The following DNM3 variants were observed in gnomAD, a reference collection of about 807,000 sequenced individuals.
DNM3 encodes the protein dynamin 3.
In DNM3, 47 loss-of-function variants were observed where a neutral mutation model predicts 101.6. The observed-to-expected ratio is 0.46, with a 90% CI of 0.37 to 0.59. DNM3 has a LOEUF of 0.59. Among genes scored for constraint, DNM3 ranks in the 20% least tolerant of loss-of-function variants. The pLI, the probability that DNM3 is intolerant of heterozygous loss-of-function variation, is 0.00. For synonymous variants in DNM3, 385 were observed against 387.9 expected, an observed-to-expected ratio of 0.99 and a Z score of 0.09; for missense variants, 849 against 1,085.7, an observed-to-expected ratio of 0.78 and a Z score of 3.06.
At chr1:172,234,752 T>A (rs778906860) in intron 14 of DNM3, among the ~76,000 whole-genome samples, 4 of 151,930 alleles carry the variant, frequency 2.6e-5, no homozygotes, top group Non-Finnish European at 5.9e-5. Flanking sequence ...GATCTGATCT[T>A]CGACACCTAT....
chr1:172,193,148 T>C (rs1184829452), intron 14 of DNM3, among the ~76,000 whole-genome samples: 2 of 152,070 alleles, frequency 1.3e-5, no homozygotes, highest in African/African-American at 4.8e-5. Context: ...CATTTTTTCG[T>C]GTGTTTTTTG....
chr1:172,120,843 G>A (rs2056267647), intron 13 of DNM3, among the ~76,000 whole-genome samples: 1 of 152,164 alleles, frequency 6.6e-6, no homozygotes, highest in African/African-American at 2.4e-5. Flanking sequence ...GGAGGTTGGG[G>A]ACTGTGCCTT....
intron 4 of DNM3, among the ~76,000 whole-genome samples, chr1:171,991,135 G>A (rs2045602647): frequency 6.6e-6 from 1 of 152,080 alleles, no homozygotes; most frequent in African/African-American, 2.4e-5. Context: ...TCTCAAACAC[G>A]CTTCTGACTC....
At chr1:171,896,556 G>C (rs184226116) in intron 1 of DNM3, among the ~76,000 whole-genome samples, 1 of 152,268 alleles carries the variant, frequency 6.6e-6, no homozygotes, top group East Asian at 1.9e-4. Flanking sequence ...GGGCTGACAC[G>C]ATGGGGTTTT....
chr1:172,320,245 T>G (rs61806072), intron 16 of DNM3, among the ~76,000 whole-genome samples: 9,300 of 108,464 alleles, frequency 0.086, 242 homozygotes, highest in African/African-American at 0.12. Flanking sequence ...GGTGGGGGGA[T>G]GGGGGAGGGA....
intron 1 of DNM3, among the ~76,000 whole-genome samples, chr1:171,891,464 T>G (rs1010484003): frequency 4.6e-5 from 7 of 152,144 alleles, no homozygotes; most frequent in Admixed American, 3.3e-4. Context: ...ACCACTACTT[T>G]TACAATATTA....
At chr1:172,216,565 G>A (rs2148544185) in intron 14 of DNM3, among the ~76,000 whole-genome samples, 1 of 152,120 alleles carries the variant, frequency 6.6e-6, no homozygotes, top group East Asian at 1.9e-4. Context: ...AATTCAAAAG[G>A]TTACTTGGAA....
intron 16 of DNM3, among the ~76,000 whole-genome samples, chr1:172,317,648 A>G (rs2065454899): frequency 2.0e-5 from 3 of 152,244 alleles, no homozygotes; most frequent in Non-Finnish European, 1.5e-5. Flanking sequence ...GAAGAAATGG[A>G]TAAATTTCTC....
At position 172,218,676 on chromosome 1, in the gene DNM3, G is replaced by A. The variant is rs532800966; in HGVS notation, c.1660-34897G>A. On this transcript the variant is annotated intron_variant, in intron 14 of 20. Coordinates refer to ENST00000627582, the MANE Select transcript of DNM3 (RefSeq NM_015569.5). ...ATGTGGCTCCAAGGACTTCAGATAAGGAATTGTGGACTTGCATATCTATTG... is the reference window on the plus strand; with the variant it reads ...ATGTGGCTCCAAGGACTTCAGATAAAGAATTGTGGACTTGCATATCTATTG... Among the ~76,000 whole-genome samples, 3 of 152,186 alleles carry A rather than the reference G, an allele frequency of 2.0e-5. No homozygotes were observed. The East Asian group carries it at 5.8e-4, about 29-fold the overall frequency.
intron 17 of DNM3, among the ~76,000 whole-genome samples, chr1:172,350,481 A>G (rs1206702059): frequency 2.0e-5 from 3 of 152,160 alleles, no homozygotes; most frequent in South Asian, 2.1e-4. Flanking sequence ...CTTTTCAAAG[A>G]TTACTTAACT....
intron 15 of DNM3, 52 bp from the exon 16 acceptor site, chr1:172,308,676 C>T (rs1573401102): frequency 2.0e-6 from 2 of 986,420 alleles, no homozygotes; most frequent in East Asian, 2.8e-5. Flanking sequence ...CATAAAATGA[C>T]TTTGAATTTG....
intron 14 of DNM3, among the ~76,000 whole-genome samples, chr1:172,206,324 T>G (rs2060320233): frequency 6.6e-6 from 1 of 152,114 alleles, no homozygotes; most frequent in Non-Finnish European, 1.5e-5. Context: ...AATATAGTGT[T>G]TTTTGAAAAA....
intron 1 of DNM3, among the ~76,000 whole-genome samples, chr1:171,873,162 G>A (rs1200690863): frequency 2.0e-5 from 3 of 152,180 alleles, no homozygotes; most frequent in African/African-American, 7.2e-5. Flanking sequence ...CACTAGCTGT[G>A]AAGTTGTCCA....
intron 14 of DNM3, among the ~76,000 whole-genome samples, chr1:172,164,024 G>A (rs866786575): frequency 2.9e-4 from 44 of 150,826 alleles, no homozygotes; most frequent in Middle Eastern, 3.4e-3. Flanking sequence ...CTGTTAAGTT[G>A]TTTCCACATC....
At chr1:171,894,295 G>A (rs1329155523) in intron 1 of DNM3, among the ~76,000 whole-genome samples, 1 of 152,166 alleles carries the variant, frequency 6.6e-6, no homozygotes, top group Non-Finnish European at 1.5e-5. Flanking sequence ...CACTGTCCTT[G>A]AGCAGGGAAA....
chr1:171,895,391 T>G (rs2037691294), intron 1 of DNM3, among the ~76,000 whole-genome samples: 1 of 152,274 alleles, frequency 6.6e-6, no homozygotes, highest in African/African-American at 2.4e-5. Context: ...TGACTAGTGA[T>G]GATGAGCATT....
At chr1:172,060,468 A>G (rs2051082100) in intron 10 of DNM3, among the ~76,000 whole-genome samples, 1 of 55,154 alleles carries the variant, frequency 1.8e-5, no homozygotes, top group Non-Finnish European at 3.2e-5. Flanking sequence ...TACAGTAACC[A>G]AAACAGCATG....
intron 15 of DNM3, among the ~76,000 whole-genome samples, chr1:172,304,222 A>AAAAAAAAAAAAAAAAAAAAAAAAG: frequency 7.8e-6 from 1 of 129,004 alleles, no homozygotes; most frequent in Non-Finnish European, 1.6e-5. Context: ...AAAAAAAAAA[A>AAAAAAAAAAAAAAAAAAAAAAAAG]CAGGAGTTGC....
Position 172,387,161 on chromosome 1 carries a change from T to C in DNM3, c.2087T>C (p.Leu696Pro). ...NVKDFINSEL[L>P]AQLYSSEDQN... is the part of the protein sequence containing the mutation. ...AAAGATTTCATAAATTCCGAGCTCC[T>C]AGCACAGTTGTATTCTTCAGAGGAC... The change falls in exon 19 of 21, where the codon CTA becomes CCA. Residue 696 changes from leucine (L) to proline (P), a missense_variant. Around this residue, in one of 5 missense-constraint regions of DNM3, gnomAD observed 256 missense variants for 311.7 expected, o/e 0.82. Transcript: ENST00000627582. 6.2e-7 allele frequency: 1 copy of C among 1,613,706 alleles called. No individual in the cohort carries two copies. Among genetic ancestry groups the C allele is most frequent in the Non-Finnish European group, 8.5e-7 (1 of 1,179,692 alleles).
Sources: gnomAD v4.1 joint callset for allele counts (sites outside exome capture counted in the v4.1 genomes callset) on GRCh38, gnomAD v4.1.1 for gene constraint, gnomAD v4.1.1 regional missense constraint, MANE v1.5 for transcripts, NCBI Gene and HGNC (gene_info 2026-07-23, HGNC 2026-07-21) for gene names.